ROBO2: variants seen among roughly 807,000 people sequenced by gnomAD.
The protein encoded by ROBO2 is roundabout guidance receptor 2, also known as roundabout homolog 2.
Under a neutral mutation model 160.8 loss-of-function variants are expected in ROBO2, and 53 were observed. That is an observed-to-expected ratio of 0.33 (90% CI 0.26 to 0.41). The LOEUF (loss-of-function observed/expected upper bound fraction) is 0.41, where lower values mean the gene tolerates loss of function less well. ROBO2 is among the 10% of genes least tolerant of loss of function. ROBO2 has a pLI of 1.00. For synonymous variants in ROBO2, 664 were observed against 611.7 expected, an observed-to-expected ratio of 1.09 and a Z score of -1.26; for missense variants, 1,577 against 1,722.4, an observed-to-expected ratio of 0.92 and a Z score of 1.49.
chr3:77,296,792 G>C (rs914050636), intron 2 of ROBO2, among the ~76,000 whole-genome samples: 1 of 152,112 alleles, frequency 6.6e-6, no homozygotes, highest in Non-Finnish European at 1.5e-5. Flanking sequence ...GGAGAGAGGC[G>C]TGTGCAACAT....
intron 2 of ROBO2, among the ~76,000 whole-genome samples, chr3:76,437,278 C>T (rs986409372): frequency 3.3e-5 from 5 of 152,038 alleles, no homozygotes; most frequent in South Asian, 2.1e-4. Context: ...ATGACAAGGG[C>T]GATAAATGAA....
intron 1 of ROBO2, among the ~76,000 whole-genome samples, chr3:75,928,558 GT>G (rs1947386117): frequency 6.6e-6 from 1 of 152,120 alleles, no homozygotes; most frequent in Non-Finnish European, 1.5e-5. Flanking sequence ...TCAGTCCTGG[GT>G]TACTTCTTGA....
intron 2 of ROBO2, among the ~76,000 whole-genome samples, chr3:75,998,819 G>A (rs2107550608): frequency 6.6e-6 from 1 of 152,264 alleles, no homozygotes; most frequent in African/African-American, 2.4e-5. Flanking sequence ...GTCCAATAAG[G>A]CAAGCAATGA....
At chr3:76,250,980 A>T (rs750027668) in intron 2 of ROBO2, among the ~76,000 whole-genome samples, 1 of 152,054 alleles carries the variant, frequency 6.6e-6, no homozygotes, top group Non-Finnish European at 1.5e-5. Flanking sequence ...TATAAAGGTG[A>T]TAAGATACTT....
intron 2 of ROBO2, among the ~76,000 whole-genome samples, chr3:76,932,823 G>T (rs972300621): frequency 5.3e-5 from 8 of 152,030 alleles, no homozygotes; most frequent in Non-Finnish European, 1.2e-4. Context: ...GCTCTCCAAG[G>T]TCTTCAAGTT....
intron 2 of ROBO2, among the ~76,000 whole-genome samples, chr3:77,006,026 T>C (rs1042367384): frequency 2.0e-5 from 3 of 149,156 alleles, no homozygotes; most frequent in Non-Finnish European, 4.4e-5. Context: ...ATTTGAGCTT[T>C]AGATATATTT....
intron 2 of ROBO2, among the ~76,000 whole-genome samples, chr3:75,983,006 T>A (rs1437845143): frequency 6.6e-6 from 1 of 151,546 alleles, no homozygotes; most frequent in Admixed American, 6.6e-5. Context: ...GGTTATATGC[T>A]GTGCATTTCT....
intron 18 of ROBO2, 46 bp downstream of exon 19, chr3:77,595,230 G>A (rs762943043): frequency 7.0e-7 from 1 of 1,428,712 alleles, no homozygotes; most frequent in Non-Finnish European, 9.9e-7. Context: ...TTTTAATCAG[G>A]ACTGGGGAAA....
At chr3:77,028,716 C>A (rs1260997049) in intron 2 of ROBO2, among the ~76,000 whole-genome samples, 1 of 151,996 alleles carries the variant, frequency 6.6e-6, no homozygotes, top group East Asian at 1.9e-4. Flanking sequence ...GAGACTCCGT[C>A]TCAAAAAAAA....
chr3:76,524,188 T>A (rs1371187079), intron 2 of ROBO2, among the ~76,000 whole-genome samples: 2 of 152,104 alleles, frequency 1.3e-5, no homozygotes, highest in Non-Finnish European at 2.9e-5. Flanking sequence ...TGTTTATGTT[T>A]CATTTGACTG....
chr3:76,291,273 G>C (rs1222692100), intron 2 of ROBO2, among the ~76,000 whole-genome samples: 1 of 152,010 alleles, frequency 6.6e-6, no homozygotes, highest in Non-Finnish European at 1.5e-5. Context: ...TTGAATTTTG[G>C]GAGCTTGCAT....
chr3:76,177,308 A>G (rs982140421), intron 2 of ROBO2, among the ~76,000 whole-genome samples: 1 of 152,160 alleles, frequency 6.6e-6, no homozygotes, highest in African/African-American at 2.4e-5. Context: ...CATCTGGATA[A>G]AAGAAGAAAA....
chr3:77,648,921 CAT>C (rs1433926996), exon 26 of ROBO2: 2 of 151,762 alleles, frequency 1.3e-5, no homozygotes, highest in African/African-American at 4.9e-5. Flanking sequence ...ATCTTGCACT[CAT>C]AGGCAATGCT....
chr3:77,619,658 A>G (rs2094858329), intron 22 of ROBO2, among the ~76,000 whole-genome samples: 1 of 152,046 alleles, frequency 6.6e-6, no homozygotes, highest in Non-Finnish European at 1.5e-5. Flanking sequence ...GCTGACCTCA[A>G]TTTCCAGCCC....
At chr3:76,556,891 AC>A (rs1163679340) in intron 2 of ROBO2, among the ~76,000 whole-genome samples, 1 of 152,072 alleles carries the variant, frequency 6.6e-6, no homozygotes, top group African/African-American at 2.4e-5. Flanking sequence ...CCATTTTTTC[AC>A]CTTTTCGATG....
chr3:77,143,128 ACAGCTTTG>A (rs2076838290), intron 2 of ROBO2, among the ~76,000 whole-genome samples: 1 of 147,372 alleles, frequency 6.8e-6, no homozygotes, highest in Non-Finnish European at 1.5e-5. Context: ...GTACCTTATG[ACAGCTTTG>A]CAATTTACCT....
intron 2 of ROBO2, among the ~76,000 whole-genome samples, chr3:76,163,187 A>G: frequency 6.6e-6 from 1 of 152,038 alleles, no homozygotes; most frequent in Admixed American, 6.6e-5. Context: ...TATTGAAACT[A>G]TTAAAGAATA....
chr3:76,220,533 C>T (rs1012288942), intron 2 of ROBO2, among the ~76,000 whole-genome samples: 5 of 152,032 alleles, frequency 3.3e-5, no homozygotes, highest in African/African-American at 1.2e-4. Context: ...AGAAGGCTTG[C>T]AAATGCCTTG....
intron 1 of ROBO2, among the ~76,000 whole-genome samples, chr3:77,064,506 A>G (rs1289074204): frequency 6.6e-6 from 1 of 151,896 alleles, no homozygotes; most frequent in Non-Finnish European, 1.5e-5. Context: ...GATTACAGGC[A>G]TGCACCACCA....
Sources: gnomAD v4.1 joint callset for allele counts (sites outside exome capture counted in the v4.1 genomes callset) on GRCh38, gnomAD v4.1.1 for gene constraint, MANE v1.5 for transcripts, NCBI Gene and HGNC (gene_info 2026-07-23, HGNC 2026-07-21) for gene names.